Variants in TCERG1L observed in about 807,000 individuals in gnomAD.
The protein encoded by TCERG1L is transcription elongation regulator 1 like, also known as transcription elongation regulator 1-like protein.
Under a neutral mutation model 56.3 loss-of-function variants are expected in TCERG1L, and 37 were observed. The ratio of observed to expected loss-of-function variants is 0.66; its 90% confidence interval spans 0.51 to 0.87. The LOEUF (loss-of-function observed/expected upper bound fraction) is 0.87, where lower values mean the gene tolerates loss of function less well. Among genes scored for constraint, TCERG1L ranks in the 40% least tolerant of loss-of-function variants. The pLI, the probability that TCERG1L is intolerant of heterozygous loss-of-function variation, is 0.00. For missense variants in TCERG1L, 799 were observed against 774.2 expected, an observed-to-expected ratio of 1.03 and a Z score of -0.38; for synonymous variants, 324 against 326.3, an observed-to-expected ratio of 0.99 and a Z score of 0.08.
intron 3 of TCERG1L, among the ~76,000 whole-genome samples, chr10:131,296,995 T>C (rs1277571379): frequency 6.6e-6 from 1 of 152,244 alleles, no homozygotes; most frequent in Non-Finnish European, 1.5e-5. Context: ...GTAGACTCTT[T>C]GAGATAGTCT....
At chr10:131,197,780 A>G (rs921398378) in intron 4 of TCERG1L, among the ~76,000 whole-genome samples, 4 of 152,228 alleles carry the variant, frequency 2.6e-5, no homozygotes, top group African/African-American at 9.6e-5. Context: ...ACAAATGTGT[A>G]TCTTTACCTT....
intron 4 of TCERG1L, among the ~76,000 whole-genome samples, chr10:131,179,993 A>G (rs1370218815): frequency 6.6e-6 from 1 of 152,186 alleles, no homozygotes; most frequent in Admixed American, 6.5e-5. Flanking sequence ...ATATGTGCCA[A>G]GCATTGCCCT....
intron 3 of TCERG1L, among the ~76,000 whole-genome samples, chr10:131,291,492 T>C (rs1490316437): frequency 1.5e-5 from 2 of 132,958 alleles, no homozygotes; most frequent in Admixed American, 8.6e-5. Context: ...AGTGGCGTGA[T>C]CTCGGCTCAC....
chr10:131,308,491 A>G, intron 2 of TCERG1L, 100 bp from the exon 3 acceptor site: 1 of 986,474 alleles, frequency 1.0e-6, no homozygotes, highest in Admixed American at 2.4e-5. Flanking sequence ...TTGATCCAAC[A>G]TTGAACATTC....
chr10:131,300,507 A>G (rs983739616), intron 3 of TCERG1L, among the ~76,000 whole-genome samples: 14 of 152,208 alleles, frequency 9.2e-5, no homozygotes, highest in Non-Finnish European at 1.9e-4. Context: ...GCAGGAGTTC[A>G]TCAAAGTAAT....
At chr10:131,291,595 T>A (rs1181423803) in intron 3 of TCERG1L, among the ~76,000 whole-genome samples, 1 of 151,100 alleles carries the variant, frequency 6.6e-6, no homozygotes, top group Admixed American at 6.6e-5. Context: ...CCCGGCTAAT[T>A]TTTTGTATTT....
At chr10:131,178,702 C>A (rs954354957) in intron 4 of TCERG1L, among the ~76,000 whole-genome samples, 1 of 152,122 alleles carries the variant, frequency 6.6e-6, no homozygotes, top group Non-Finnish European at 1.5e-5. Flanking sequence ...TCAGGGCCAT[C>A]GCTCGCCCTG....
At chr10:131,292,618 A>G (rs1179954681) in intron 3 of TCERG1L, among the ~76,000 whole-genome samples, 2 of 152,170 alleles carry the variant, frequency 1.3e-5, no homozygotes, top group Non-Finnish European at 2.9e-5. Context: ...TTCTCCTCGG[A>G]GTCTGGGAGA....
intron 7 of TCERG1L, among the ~76,000 whole-genome samples, chr10:131,142,328 C>T (rs970476990): frequency 6.6e-6 from 1 of 152,210 alleles, no homozygotes; most frequent in Non-Finnish European, 1.5e-5. Context: ...CCCTGGGTCC[C>T]CCCAAGTGCC....
intron 4 of TCERG1L, among the ~76,000 whole-genome samples, chr10:131,229,445 C>A (rs1354450702): frequency 6.6e-6 from 1 of 152,164 alleles, no homozygotes; most frequent in Non-Finnish European, 1.5e-5. Flanking sequence ...GCTTCCTGCC[C>A]ACATATAGGT....
chr10:131,291,716 G>A lies in TCERG1L; in HGVS notation c.670+16495C>T, dbSNP rs926998212. Among the ~76,000 whole-genome samples the A allele has an allele frequency of 8.6e-5, 13 of 151,454 alleles. No individual in the cohort carries two copies. In the South Asian group the frequency reaches 1.0e-3, roughly 12 times the overall value. On this transcript the variant is annotated intron_variant, in intron 3 of 11. Coordinates refer to ENST00000368642, the MANE Select transcript of TCERG1L (RefSeq NM_174937.4). ...GCTAGGATTACAGGCGTGAGCCACC[G>A]CGCCCGGCCTCCATAAACAGCATTT...
At chr10:131,193,322 C>T (rs1845323758) in intron 4 of TCERG1L, among the ~76,000 whole-genome samples, 1 of 152,140 alleles carries the variant, frequency 6.6e-6, no homozygotes. Context: ...CTGTTCACTA[C>T]GTTGACAATT....
At chr10:131,159,265 C>T (rs1263536373) in intron 6 of TCERG1L, among the ~76,000 whole-genome samples, 6 of 152,162 alleles carry the variant, frequency 3.9e-5, no homozygotes, top group Admixed American at 1.3e-4. Flanking sequence ...TTGACCTCTC[C>T]GTCTAAGTAT....
intron 3 of TCERG1L, among the ~76,000 whole-genome samples, chr10:131,269,798 C>T (rs1008459943): frequency 3.3e-5 from 5 of 152,322 alleles, no homozygotes; most frequent in Non-Finnish European, 5.9e-5. Flanking sequence ...CACCCACAGA[C>T]TTGTTCCCAC....
At chr10:131,093,767 A>G (rs1845211061) in intron 11 of TCERG1L, among the ~76,000 whole-genome samples, 1 of 152,126 alleles carries the variant, frequency 6.6e-6, no homozygotes, top group South Asian at 2.1e-4. Context: ...GCTCGTCATG[A>G]GAAACCAGGC....
intron 4 of TCERG1L, among the ~76,000 whole-genome samples, chr10:131,243,598 T>C (rs1810404603): frequency 6.6e-6 from 1 of 152,118 alleles, no homozygotes; most frequent in Non-Finnish European, 1.5e-5. Flanking sequence ...ATAATACACA[T>C]GCACACTGCG....
At chr10:131,257,038 AAAG>A (rs759314161) in intron 4 of TCERG1L, among the ~76,000 whole-genome samples, 39 of 145,020 alleles carry the variant, frequency 2.7e-4, no homozygotes, top group African/African-American at 6.9e-4. Flanking sequence ...AGAAAGAAAG[AAAG>A]AAAGAAAGAA....
intron 5 of TCERG1L, among the ~76,000 whole-genome samples, chr10:131,165,942 G>A (rs1018222054): frequency 6.6e-6 from 1 of 152,214 alleles, no homozygotes; most frequent in Non-Finnish European, 1.5e-5. Flanking sequence ...GCACTAGAAA[G>A]GCTATCTGTG....
chr10:131,303,931 G>A (rs1402539687), intron 3 of TCERG1L, among the ~76,000 whole-genome samples: 1 of 151,988 alleles, frequency 6.6e-6, no homozygotes, highest in Non-Finnish European at 1.5e-5. Flanking sequence ...TAATTCCTGT[G>A]CAAAATCCAT....
Sources: allele counts gnomAD v4.1 joint callset (sites outside exome capture counted in the v4.1 genomes callset), GRCh38; gene constraint gnomAD v4.1.1; transcripts MANE v1.5; gene names NCBI Gene and HGNC (gene_info 2026-07-23, HGNC 2026-07-21).